Variants in NCOA3 observed in about 807,000 individuals in gnomAD.
The protein encoded by NCOA3 is CBP-interacting protein.
A neutral mutation model predicts 158.8 loss-of-function variants in NCOA3; 51 were observed. The observed-to-expected ratio is 0.32, with a 90% CI of 0.26 to 0.41. The LOEUF is 0.41. NCOA3 is among the 10% of genes least tolerant of loss of function. The probability of loss-of-function intolerance (pLI) is 1.00; values close to 1 mark genes in which losing one functional copy is unlikely to be tolerated. For missense variants in NCOA3, 1,510 were observed against 1,746.6 expected (o/e 0.86, Z 2.41); for synonymous variants, 537 against 592.4 (o/e 0.91, Z 1.36).
At chr20:47,530,494 A>C (rs2084527459) in intron 1 of NCOA3, among the ~76,000 whole-genome samples, 1 of 126,214 alleles carries the variant, frequency 7.9e-6, no homozygotes, top group Admixed American at 9.3e-5. Flanking sequence ...ACAGAGTCTT[A>C]CTCTGTCACC....
At chr20:47,507,087 G>A (rs2084042168) in intron 1 of NCOA3, among the ~76,000 whole-genome samples, 1 of 152,166 alleles carries the variant, frequency 6.6e-6, no homozygotes, top group African/African-American at 2.4e-5. Flanking sequence ...GGATAGATGG[G>A]AAAGGACTGC....
chr20:47,561,476 T>TC (rs1244841105), intron 1 of NCOA3, among the ~76,000 whole-genome samples: 2 of 151,586 alleles, frequency 1.3e-5, no homozygotes, highest in African/African-American at 4.8e-5. Flanking sequence ...TAATTTTTTT[T>TC]CTTTTTCTTT....
intron 1 of NCOA3, among the ~76,000 whole-genome samples, chr20:47,527,800 T>C (rs2084480509): frequency 6.6e-6 from 1 of 152,236 alleles, no homozygotes. Context: ...TCCTATGTTT[T>C]AGCCATTCTG....
At chr20:47,600,460 G>A (rs1478993830) in intron 2 of NCOA3, among the ~76,000 whole-genome samples, 1 of 151,768 alleles carries the variant, frequency 6.6e-6, no homozygotes, top group Non-Finnish European at 1.5e-5. Flanking sequence ...TCAGGCGTGA[G>A]CCACCGCGCA....
intron 1 of NCOA3, among the ~76,000 whole-genome samples, chr20:47,575,547 G>C (rs901370923): frequency 1.3e-5 from 2 of 152,086 alleles, no homozygotes; most frequent in Admixed American, 1.3e-4. Flanking sequence ...AAACACTGAA[G>C]TTATTTTGGA....
At chr20:47,585,342 C>T (rs2085520314) in intron 2 of NCOA3, among the ~76,000 whole-genome samples, 1 of 152,096 alleles carries the variant, frequency 6.6e-6, no homozygotes. Flanking sequence ...CTACGCCTGG[C>T]CCCTTTTCTT....
intron 12 of NCOA3, 35 bp from the exon 13 acceptor site, chr20:47,637,613 T>G: frequency 6.5e-7 from 1 of 1,543,064 alleles, no homozygotes; most frequent in Non-Finnish European, 8.8e-7. Context: ...TGTCTGGTAA[T>G]GTATACAGGT....
At chr20:47,502,786 G>C (rs974267466) in intron 1 of NCOA3, among the ~76,000 whole-genome samples, 2 of 143,098 alleles carry the variant, frequency 1.4e-5, no homozygotes, top group Admixed American at 1.4e-4. Context: ...TGCTTGTCTT[G>C]TACCTGCCTT....
At chr20:47,538,110 C>T (rs971244922) in intron 1 of NCOA3, among the ~76,000 whole-genome samples, 4 of 151,940 alleles carry the variant, frequency 2.6e-5, no homozygotes, top group Non-Finnish European at 4.4e-5. Flanking sequence ...GAACTCCTGA[C>T]TTCAGGTGAT....
chr20:47,542,332 G>T (rs911489022), intron 1 of NCOA3, among the ~76,000 whole-genome samples: 4 of 151,768 alleles, frequency 2.6e-5, no homozygotes, highest in Admixed American at 2.0e-4. Flanking sequence ...AAGTAACCGT[G>T]CCCGGCTTCC....
rs1425171070 is a variant in NCOA3, at chr20:47,654,046, C to T, written c.*629C>T. ...ACCTCCAGGAACTGTCATGGATGTC[C>T]AAATGGCTTTGCAGAAAGGAAATGA... On this transcript the variant is annotated 3_prime_UTR_variant, in exon 23 of 23. Coordinates refer to ENST00000371998, the MANE Select transcript of NCOA3 (RefSeq NM_181659.3). The T allele has an allele frequency of 1.3e-5, 2 of 152,594 alleles. No individual in the cohort carries two copies. Among genetic ancestry groups the T allele is most frequent in the Non-Finnish European group, 2.9e-5 (2 of 68,064 alleles). The allele number at this position is 152,594 out of a possible 1,614,324, so 9.5% of individuals were successfully genotyped here.
intron 18 of NCOA3, 76 bp from the exon 19 acceptor site, chr20:47,648,929 G>A (rs761470720): frequency 1.2e-6 from 1 of 807,088 alleles, no homozygotes; most frequent in Non-Finnish European, 2.1e-6. Context: ...TCATTGGCTG[G>A]TGCTGAGGGT....
chr20:47,596,496 T>C (rs1182016990), intron 2 of NCOA3, among the ~76,000 whole-genome samples: 1 of 152,246 alleles, frequency 6.6e-6, no homozygotes, highest in Admixed American at 6.5e-5. Flanking sequence ...AAAATATTTT[T>C]ATTGCTCTAA....
intron 1 of NCOA3, among the ~76,000 whole-genome samples, chr20:47,567,700 G>C (rs934946973): frequency 6.6e-5 from 10 of 152,112 alleles, no homozygotes; most frequent in Admixed American, 3.9e-4. Context: ...CTCACAAGTA[G>C]CTGGGATTAC....
intron 8 of NCOA3, chr20:47,630,272 A>G (rs2086391578): frequency 6.6e-6 from 1 of 152,118 alleles, no homozygotes; most frequent in African/African-American, 2.4e-5. Flanking sequence ...AATTTTAAAC[A>G]GATTATTGGA....
intron 1 of NCOA3, among the ~76,000 whole-genome samples, chr20:47,536,699 C>G (rs2084639058): frequency 6.6e-6 from 1 of 151,968 alleles, no homozygotes; most frequent in Admixed American, 6.6e-5. Flanking sequence ...CTTTGTTGCC[C>G]AGGCTGATCC....
intron 1 of NCOA3, among the ~76,000 whole-genome samples, chr20:47,526,715 C>T (rs1035902186): frequency 3.9e-5 from 6 of 152,154 alleles, no homozygotes; most frequent in South Asian, 4.1e-4. Flanking sequence ...GCAGCAGTAC[C>T]GTCCAGCTTC....
At chr20:47,599,578 A>T (rs1363399308) in intron 2 of NCOA3, among the ~76,000 whole-genome samples, 2 of 152,368 alleles carry the variant, frequency 1.3e-5, no homozygotes, top group East Asian at 3.9e-4. Flanking sequence ...TAGCTGATGT[A>T]TGCAAAACTG....
intron 1 of NCOA3, among the ~76,000 whole-genome samples, chr20:47,527,564 A>G (rs539860781): frequency 1.3e-5 from 2 of 152,348 alleles, no homozygotes; most frequent in South Asian, 4.1e-4. Flanking sequence ...GCTATTATGA[A>G]TAGAGCCGCT....
Sources: allele counts gnomAD v4.1 joint callset (sites outside exome capture counted in the v4.1 genomes callset), GRCh38; gene constraint gnomAD v4.1.1; transcripts MANE v1.5; gene names NCBI Gene and HGNC (gene_info 2026-07-23, HGNC 2026-07-21).